Variants in DAP observed in about 807,000 individuals in gnomAD.
The protein encoded by DAP is death-associated protein 1.
In DAP, 8 loss-of-function variants were observed where a neutral mutation model predicts 13.8. The ratio of observed to expected loss-of-function variants is 0.58; its 90% confidence interval spans 0.34 to 1.05. The LOEUF is 1.05. DAP is among the 50% of genes least tolerant of loss of function. DAP has a pLI of 0.03. For missense variants in DAP, 106 were observed against 133.2 expected (o/e 0.80, Z 1.01); for synonymous variants, 47 against 47.5 (o/e 0.99, Z 0.04).
At chr5:10,760,080 G>T (rs1740301573) in intron 1 of DAP, among the ~76,000 whole-genome samples, 1 of 152,084 alleles carries the variant, frequency 6.6e-6, no homozygotes, top group Non-Finnish European at 1.5e-5. Flanking sequence ...CAAGAAAATG[G>T]CGCAAATGTG....
intron 2 of DAP, among the ~76,000 whole-genome samples, chr5:10,724,506 G>A (rs992945361): frequency 4.6e-5 from 7 of 152,176 alleles, no homozygotes; most frequent in Non-Finnish European, 8.8e-5. Context: ...TTTACCAGGG[G>A]CCACCCAGGA....
chr5:10,692,835 A>G (rs772353883), intron 2 of DAP, among the ~76,000 whole-genome samples: 1 of 152,212 alleles, frequency 6.6e-6, no homozygotes, highest in Non-Finnish European at 1.5e-5. Context: ...ACTGCTACTG[A>G]CAGGCAACTT....
chr5:10,739,626 G>A (rs1444052033), intron 2 of DAP, among the ~76,000 whole-genome samples: 1 of 152,120 alleles, frequency 6.6e-6, no homozygotes, highest in Non-Finnish European at 1.5e-5. Flanking sequence ...CAATGGCAGG[G>A]CAGGAAAATA....
intron 2 of DAP, among the ~76,000 whole-genome samples, chr5:10,691,161 A>G (rs1297462820): frequency 1.3e-5 from 2 of 152,256 alleles, no homozygotes; most frequent in African/African-American, 2.4e-5. Context: ...TGAAAAGGCC[A>G]TAATTGGCTG....
chr5:10,730,604 C>A (rs1272740995), intron 2 of DAP, among the ~76,000 whole-genome samples: 434 of 123,294 alleles, frequency 3.5e-3, no homozygotes, highest in African/African-American at 6.5e-3. Context: ...GTACTGAGAG[C>A]CCGGGTCGGG....
intron 2 of DAP, among the ~76,000 whole-genome samples, chr5:10,699,782 A>T (rs1738521328): frequency 6.6e-6 from 1 of 152,190 alleles, no homozygotes; most frequent in South Asian, 2.1e-4. Flanking sequence ...AGTGTGCTGC[A>T]CTAGGCCCCA....
intron 1 of DAP, among the ~76,000 whole-genome samples, chr5:10,749,073 G>A (rs1188654980): frequency 6.6e-6 from 1 of 152,136 alleles, no homozygotes; most frequent in Admixed American, 6.5e-5. Flanking sequence ...TAAACTATGT[G>A]GCCTTTGGTG....
At chr5:10,740,433 A>C (rs1471119658) in intron 2 of DAP, among the ~76,000 whole-genome samples, 1 of 152,260 alleles carries the variant, frequency 6.6e-6, no homozygotes, top group African/African-American at 2.4e-5. Flanking sequence ...TAGATAAAAA[A>C]TGCTCAGTGA....
intron 2 of DAP, among the ~76,000 whole-genome samples, chr5:10,687,905 CTTTTTTTT>C (rs1199947263): frequency 1.8e-5 from 2 of 110,666 alleles, no homozygotes; most frequent in African/African-American, 3.8e-5. Context: ...TCATTGTTGT[CTTTTTTTT>C]TTTTTTTTTT....
intron 2 of DAP, among the ~76,000 whole-genome samples, chr5:10,708,088 A>G (rs1738743491): frequency 6.6e-6 from 1 of 152,234 alleles, no homozygotes; most frequent in Admixed American, 6.5e-5. Flanking sequence ...TAAAGGGCAT[A>G]TGCTGTCAGA....
In DAP at chr5:10,707,602, A is replaced by G; in HGVS notation, c.153-24031T>C. ...CACAGGCAGTGTGATGTGATTTGTG[A>G]GCAGTGTGGTGCACAGGCGGCGTGA... On this transcript the variant is annotated intron_variant, in intron 2 of 3. Coordinates refer to ENST00000230895, the MANE Select transcript of DAP (RefSeq NM_004394.3). The surrounding 1 kb of genome is among the most constrained non-coding windows in gnomAD (Gnocchi z 4.0). 7.1e-6 allele frequency among the ~76,000 whole-genome samples: 1 copy of G among 141,296 alleles called. No homozygotes were observed. Among genetic ancestry groups the G allele is most frequent in the African/African-American group, 2.7e-5 (1 of 36,992 alleles). The allele number at this position is 141,296 out of a possible 152,430, so 92.7% of individuals were successfully genotyped here.
At chr5:10,716,116 G>A (rs1452340775) in intron 2 of DAP, among the ~76,000 whole-genome samples, 2 of 152,182 alleles carry the variant, frequency 1.3e-5, no homozygotes, top group Non-Finnish European at 2.9e-5. Flanking sequence ...AGGGTTGCCT[G>A]CCAATCATTT....
chr5:10,744,394 C>T (rs1739849888), intron 2 of DAP, among the ~76,000 whole-genome samples: 1 of 152,192 alleles, frequency 6.6e-6, no homozygotes, highest in Non-Finnish European at 1.5e-5. Flanking sequence ...AGTAAGTAGG[C>T]TTTTCCATAC....
At chr5:10,687,788 G>T (rs2126636369) in intron 2 of DAP, among the ~76,000 whole-genome samples, 1 of 152,152 alleles carries the variant, frequency 6.6e-6, no homozygotes, top group East Asian at 1.9e-4. Context: ...CTCCATTTTT[G>T]AAAGAAGTTC....
intron 2 of DAP, among the ~76,000 whole-genome samples, chr5:10,700,802 T>G (rs1738558362): frequency 6.6e-6 from 1 of 152,220 alleles, no homozygotes; most frequent in Non-Finnish European, 1.5e-5. Context: ...TGACCTGCTT[T>G]GCAAACTAAC....
Position 10,739,820 on chromosome 5 carries a change from C to CAT in DAP, c.152+8354_152+8355insAT, listed in dbSNP as rs60618657. 2.7e-5 allele frequency among the ~76,000 whole-genome samples: 4 copies of CAT among 145,518 alleles called. No homozygotes were observed. In the South Asian group the frequency reaches 8.7e-4, roughly 32 times the overall value. ...ACACACACACACACACACACACACA[C>CAT]GAATGGGTTTGAACAGAAAAGGCAT... On this transcript the variant is annotated intron_variant, in intron 2 of 3. Coordinates refer to ENST00000230895, the MANE Select transcript of DAP (RefSeq NM_004394.3).
chr5:10,697,280 C>A (rs1373980051), intron 2 of DAP, among the ~76,000 whole-genome samples: 1 of 152,208 alleles, frequency 6.6e-6, no homozygotes, highest in Non-Finnish European at 1.5e-5. Context: ...TAGCTCGTTA[C>A]AAGACAGATG....
chr5:10,759,962 C>G (rs1366014516), intron 1 of DAP, among the ~76,000 whole-genome samples: 1 of 151,950 alleles, frequency 6.6e-6, no homozygotes, highest in African/African-American at 2.4e-5. Flanking sequence ...ACCATGTTAT[C>G]CAGGCTAGTC....
rs1247512012 is a variant in DAP, at chr5:10,680,487, C to T, written c.*569G>A. 2.4e-5 allele frequency: 13 copies of T among 541,002 alleles called. No homozygotes were observed. Among genetic ancestry groups the T allele is most frequent in the African/African-American group, 9.5e-5 (5 of 52,498 alleles). The allele number at this position is 541,002 out of a possible 1,614,324, so 33.5% of individuals were successfully genotyped here. A position where few individuals can be genotyped will look rare whatever the true frequency, so the allele number is the denominator to read the frequency against. ...GCTATTTCTAAGATGCATGCTTTTT[C>T]GGCTTTTCTCATGGGTGCCTCATCA... On this transcript the variant is annotated 3_prime_UTR_variant, in exon 4 of 4. Transcript: ENST00000230895.
Sources: allele counts gnomAD v4.1 joint callset (sites outside exome capture counted in the v4.1 genomes callset), GRCh38; gene constraint gnomAD v4.1.1; non-coding constraint Gnocchi (gnomAD v3.1); transcripts MANE v1.5; gene names NCBI Gene and HGNC (gene_info 2026-07-23, HGNC 2026-07-21).